CSMD1: variants seen among roughly 807,000 people sequenced by gnomAD.
The protein encoded by CSMD1 is CUB and sushi domain-containing protein 1.
CSMD1 carries 213 observed loss-of-function variants against 417.5 expected under a neutral mutation model. That is an observed-to-expected ratio of 0.51 (90% CI 0.46 to 0.57). The LOEUF is 0.57. Among genes scored for constraint, CSMD1 ranks in the 20% least tolerant of loss-of-function variants. The pLI is 0.00. For missense variants in CSMD1, 6,923 were observed against 4,529.7 expected (o/e 1.53, Z -15.17); for synonymous variants, 2,862 against 1,736.8 (o/e 1.65, Z -16.11).
At chr8:4,256,368 A>C (rs868809778) in intron 3 of CSMD1, among the ~76,000 whole-genome samples, 11 of 152,156 alleles carry the variant, frequency 7.2e-5, no homozygotes, top group African/African-American at 2.7e-4. Flanking sequence ...AAATGAATAC[A>C]TTGCTCTGAT....
chr8:3,958,600 C>T (rs1203029370), intron 5 of CSMD1, among the ~76,000 whole-genome samples: 2 of 151,970 alleles, frequency 1.3e-5, no homozygotes, highest in South Asian at 2.1e-4. Context: ...ATTCACATAC[C>T]CGCATTTGAA....
chr8:3,670,206 C>T (rs1428007947), intron 7 of CSMD1, among the ~76,000 whole-genome samples: 1 of 151,844 alleles, frequency 6.6e-6, no homozygotes, highest in Admixed American at 6.6e-5. Context: ...GGTGGGTACC[C>T]TCTAATCAGC....
At chr8:3,889,899 T>G (rs1056775726) in intron 5 of CSMD1, among the ~76,000 whole-genome samples, 1 of 152,114 alleles carries the variant, frequency 6.6e-6, no homozygotes. Context: ...AATTACTTTC[T>G]GAGTTGCGCA....
At chr8:4,362,214 C>G (rs1299099619) in intron 3 of CSMD1, among the ~76,000 whole-genome samples, 1 of 152,028 alleles carries the variant, frequency 6.6e-6, no homozygotes, top group Non-Finnish European at 1.5e-5. Context: ...CCAAAGGATC[C>G]TGGGAGATTT....
intron 3 of CSMD1, among the ~76,000 whole-genome samples, chr8:4,418,182 A>C (rs78097830): frequency 0.016 from 2,414 of 152,142 alleles, 59 homozygotes; most frequent in East Asian, 0.12. Context: ...ATCAGACTAT[A>C]ATATCACCAT....
chr8:3,212,611 C>A (rs952959536), intron 30 of CSMD1, among the ~76,000 whole-genome samples: 1 of 152,132 alleles, frequency 6.6e-6, no homozygotes, highest in Non-Finnish European at 1.5e-5. Context: ...GCCTTGGCCT[C>A]CCATAGTGTT....
chr8:3,702,607 G>C (rs1307851139), intron 7 of CSMD1, among the ~76,000 whole-genome samples: 1 of 152,220 alleles, frequency 6.6e-6, no homozygotes, highest in Non-Finnish European at 1.5e-5. Flanking sequence ...GAGGCAGGCA[G>C]ATCGCCTGAG....
intron 3 of CSMD1, among the ~76,000 whole-genome samples, chr8:4,054,324 C>T (rs370822808): frequency 2.6e-5 from 4 of 152,116 alleles, no homozygotes; most frequent in African/African-American, 9.7e-5. Context: ...CTCTGGGGAG[C>T]TGGGGTAGGA....
At chr8:3,108,850 A>G (rs1283479524) in intron 43 of CSMD1, 102 bp from the exon 44 acceptor site, 1 of 1,133,646 alleles carries the variant, frequency 8.8e-7, no homozygotes, top group South Asian at 1.6e-5. Context: ...AAAAGCAATA[A>G]AACATATGCA....
intron 1 of CSMD1, among the ~76,000 whole-genome samples, chr8:4,722,718 T>C (rs1317565516): frequency 6.6e-6 from 1 of 152,128 alleles, no homozygotes; most frequent in Non-Finnish European, 1.5e-5. Flanking sequence ...GTCAGCTGAT[T>C]TTTACGGAAA....
intron 16 of CSMD1, among the ~76,000 whole-genome samples, chr8:3,398,397 T>A (rs543526422): frequency 3.3e-4 from 51 of 152,362 alleles, no homozygotes; most frequent in African/African-American, 1.2e-3. Context: ...TGGGGATTAT[T>A]ATTATTTTGT....
chr8:4,257,095 C>T (rs974949335), intron 3 of CSMD1, among the ~76,000 whole-genome samples: 3 of 152,010 alleles, frequency 2.0e-5, no homozygotes, highest in African/African-American at 7.3e-5. Context: ...TTTTTAATAC[C>T]ACACTCGCCA....
At chr8:4,300,222 G>C (rs1444262491) in intron 3 of CSMD1, among the ~76,000 whole-genome samples, 1 of 152,142 alleles carries the variant, frequency 6.6e-6, no homozygotes, top group Non-Finnish European at 1.5e-5. Flanking sequence ...GTTCAGTTTT[G>C]ATAATGTATA....
chr8:3,520,478 T>C (rs964774149), intron 10 of CSMD1, among the ~76,000 whole-genome samples: 2 of 152,208 alleles, frequency 1.3e-5, no homozygotes, highest in African/African-American at 2.4e-5. Flanking sequence ...TGCTAGACTG[T>C]AGTCAACAAA....
chr8:4,080,372 G>T (rs980289405), intron 3 of CSMD1, among the ~76,000 whole-genome samples: 1 of 152,134 alleles, frequency 6.6e-6, no homozygotes, highest in South Asian at 2.1e-4. Context: ...ACACAAACAG[G>T]TATCAGAATT....
chr8:4,375,500 G>A (rs1047666891), intron 3 of CSMD1, among the ~76,000 whole-genome samples: 15 of 152,074 alleles, frequency 9.9e-5, no homozygotes, highest in African/African-American at 3.1e-4. Context: ...TCCTTGATGG[G>A]CAAGTGACAT....
At chr8:3,669,795 C>T (rs376679632) in intron 7 of CSMD1, among the ~76,000 whole-genome samples, 3 of 152,124 alleles carry the variant, frequency 2.0e-5, no homozygotes, top group South Asian at 2.1e-4. Context: ...CAGGGATCCA[C>T]GTGCAGCCCT....
At chr8:4,288,712 T>C (rs371653639) in intron 3 of CSMD1, among the ~76,000 whole-genome samples, 1 of 152,184 alleles carries the variant, frequency 6.6e-6, no homozygotes. Context: ...AGTGGATTTT[T>C]AAGCAAATCT....
rs1802949488 is a variant in CSMD1, at chr8:3,284,058, C to T, written c.4153+86G>A. The T allele has an allele frequency of 7.3e-6, 8 of 1,099,016 alleles. 1 individual carries two copies. Among genetic ancestry groups the T allele is most frequent in the South Asian group, 6.9e-5 (5 of 72,564 alleles). 68.1% of individuals were successfully genotyped at this position (1,099,016 alleles called of 1,614,324 possible). A position where few individuals can be genotyped will look rare whatever the true frequency, so the allele number is the denominator to read the frequency against. ...AATAAATTGCATCTGTGTAAGGAGA[C>T]GCTGGTGAATATAAATGGAGGGAGA... On this transcript the variant is annotated intron_variant, in intron 26 of 69. Coordinates refer to ENST00000635120, the MANE Select transcript of CSMD1 (RefSeq NM_033225.6).
Sources: allele counts gnomAD v4.1 joint callset (sites outside exome capture counted in the v4.1 genomes callset), GRCh38; gene constraint gnomAD v4.1.1; transcripts MANE v1.5; gene names NCBI Gene and HGNC (gene_info 2026-07-23, HGNC 2026-07-21).